Variants in SLC39A8 observed in about 807,000 individuals in gnomAD.
SLC39A8 encodes the protein solute carrier family 39 member 8.
Under a neutral mutation model 40.4 loss-of-function variants are expected in SLC39A8, and 15 were observed. That is an observed-to-expected ratio of 0.37 (90% confidence interval 0.25 to 0.57). SLC39A8 has a LOEUF of 0.57. SLC39A8 is among the 20% of genes least tolerant of loss of function. The pLI, the probability that SLC39A8 is intolerant of heterozygous loss-of-function variation, is 0.75. For missense variants in SLC39A8, 472 were observed against 558.8 expected (o/e 0.84, Z 1.57); for synonymous variants, 223 against 221.6 (o/e 1.01, Z -0.06).
chr4:102,308,830 T>C (rs565710695), intron 3 of SLC39A8, among the ~76,000 whole-genome samples: 1 of 152,242 alleles, frequency 6.6e-6, no homozygotes, highest in East Asian at 1.9e-4. Context: ...GATCAACATA[T>C]GTCAACTTAT....
At chr4:102,274,013 A>C (rs1469924183) in intron 6 of SLC39A8, among the ~76,000 whole-genome samples, 1 of 152,262 alleles carries the variant, frequency 6.6e-6, no homozygotes, top group African/African-American at 2.4e-5. Context: ...AAAAAGGCTA[A>C]AAATTCCAAA....
intron 2 of SLC39A8, among the ~76,000 whole-genome samples, chr4:102,333,749 G>C (rs1735562510): frequency 6.6e-6 from 1 of 152,162 alleles, no homozygotes; most frequent in Non-Finnish European, 1.5e-5. Flanking sequence ...CATGTAGAAA[G>C]CATCTACAGA....
Position 102,288,028 on chromosome 4 carries a change from G to A in SLC39A8, c.840+16289C>T, listed in dbSNP as rs1435598382. Among the ~76,000 whole-genome samples, 3 of 152,104 alleles carry A rather than the reference G, an allele frequency of 2.0e-5. No individual in the cohort carries two copies. In the East Asian group the frequency reaches 5.8e-4, roughly 29 times the overall value. Reference sequence around the variant, plus strand: ...TTATTTCTATTAGTTATTCAGGAGTGACAGGTACAGGCATACCTCTTTTTC... The same window carrying A: ...TTATTTCTATTAGTTATTCAGGAGTAACAGGTACAGGCATACCTCTTTTTC... On this transcript the variant is annotated intron_variant, in intron 6 of 8. Coordinates refer to ENST00000356736, the MANE Select transcript of SLC39A8 (RefSeq NM_001135146.2).
At chr4:102,294,517 T>C (rs898089301) in intron 6 of SLC39A8, among the ~76,000 whole-genome samples, 1 of 152,062 alleles carries the variant, frequency 6.6e-6, no homozygotes, top group African/African-American at 2.4e-5. Flanking sequence ...TTCCATTAAA[T>C]TGGTTTAGTA....
chr4:102,317,272 A>C (rs1045231659), intron 2 of SLC39A8, among the ~76,000 whole-genome samples: 1 of 152,168 alleles, frequency 6.6e-6, no homozygotes, highest in African/African-American at 2.4e-5. Context: ...ACATCAAATA[A>C]TCAAATACAC....
At chr4:102,276,377 G>C (rs1732616771) in intron 6 of SLC39A8, among the ~76,000 whole-genome samples, 1 of 152,088 alleles carries the variant, frequency 6.6e-6, no homozygotes, top group Admixed American at 6.5e-5. Flanking sequence ...AAATAAACTA[G>C]AAAATCTACA....
At position 102,305,088 on chromosome 4, in the gene SLC39A8, G is replaced by A. The variant is rs370212187; in HGVS notation, c.576C>T (p.Val192=). 2.3e-5 allele frequency: 37 copies of A among 1,608,082 alleles called. No homozygotes were observed. The highest frequency in any genetic ancestry group is 4.0e-5 in the African/African-American group (3 of 74,546). ...IPEAFGFDPK[V]DSYVEKAVAV... is the part of the protein sequence containing the mutation. ...CAACTGCCTTCTCAACATAACTGTCGACTTTGGGATCAAATCCAAATGCCT... is the reference window on the plus strand; with the variant it reads ...CAACTGCCTTCTCAACATAACTGTCAACTTTGGGATCAAATCCAAATGCCT... Residue 192 remains valine, a synonymous_variant, in exon 5 of 9, where the codon GTC becomes GTT. Coordinates refer to ENST00000356736, the MANE Select transcript of SLC39A8 (RefSeq NM_001135146.2).
chr4:102,251,524 C>T (rs1175460974), exon 12 of SLC39A8: 2 of 152,082 alleles, frequency 1.3e-5, no homozygotes, highest in African/African-American at 2.4e-5. Context: ...CCTACCTGGG[C>T]CCAAGAATTA....
chr4:102,303,172 G>A lies in SLC39A8; in HGVS notation c.840+1145C>T, dbSNP rs189462983. On this transcript the variant is annotated intron_variant, in intron 6 of 8. Transcript: ENST00000356736. ...TATATCATGTTTAACTATATAGCTTGTGGATCTGCCATTCACTAGCTGAGT... is the reference window on the plus strand; with the variant it reads ...TATATCATGTTTAACTATATAGCTTATGGATCTGCCATTCACTAGCTGAGT... Among the ~76,000 whole-genome samples, 5 of 151,768 alleles carry A rather than the reference G, an allele frequency of 3.3e-5. No individual in the cohort carries two copies. In the East Asian group the frequency reaches 9.7e-4, roughly 29 times the overall value.
chr4:102,326,097 T>C (rs1735186129), intron 2 of SLC39A8, among the ~76,000 whole-genome samples: 2 of 152,192 alleles, frequency 1.3e-5, no homozygotes, highest in African/African-American at 4.8e-5. Flanking sequence ...GAGGCCACCC[T>C]ACTTCCCATC....
rs951920834 is a variant in SLC39A8 at position 102,344,901 on chromosome 4, G to C, written c.-239C>G. Reference sequence around the variant, plus strand: ...GAGCGATAGGCGGAGTGGGCCCCCCGGCCTCCTGGAGAGCCTGAGATAAAG... The same window carrying C: ...GAGCGATAGGCGGAGTGGGCCCCCCCGCCTCCTGGAGAGCCTGAGATAAAG... On this transcript the variant is annotated 5_prime_UTR_variant, in exon 2 of 9. Transcript: ENST00000356736. 7.7e-7 allele frequency: 1 copy of C among 1,297,702 alleles called. No homozygotes were observed. The highest frequency in any genetic ancestry group is 9.7e-7 in the Non-Finnish European group (1 of 1,027,668). The allele number at this position is 1,297,702 out of a possible 1,614,324, so 80.4% of individuals were successfully genotyped here.
Position 102,261,872 on chromosome 4 carries a change from A to C in SLC39A8, c.*1172T>G, listed in dbSNP as rs372989502. 214 of 985,918 alleles carry C rather than the reference A, an allele frequency of 2.2e-4. 1 individual carries two copies. In the African/African-American group the frequency reaches 3.6e-3, roughly 16 times the overall value. 61.1% of individuals were successfully genotyped at this position (985,918 alleles called of 1,614,324 possible). ...ATTTTCCTCACCATCAAATCACCTT[A>C]AGTGACTTGGGAGTGTGAATCTAGG... is the stretch of plus-strand genomic sequence containing the variant. On this transcript the variant is annotated 3_prime_UTR_variant, in exon 9 of 9. Transcript: ENST00000356736.
In SLC39A8 at chr4:102,307,388, G is replaced by A. The variant is rs1462947; in HGVS notation, c.552+48C>T. The A allele has an allele frequency of 0.32, 508,270 of 1,593,760 alleles. 83,687 individuals are homozygous for A. Among genetic ancestry groups the A allele is most frequent in the Middle Eastern group, 0.46 (2,744 of 5,936 alleles). Reference sequence around the variant, plus strand: ...CTAAAAACATACAAAGTGCTAAAACGTTCAAAAGAAACAATTATTCACAGA... The same window carrying A: ...CTAAAAACATACAAAGTGCTAAAACATTCAAAAGAAACAATTATTCACAGA... On this transcript the variant is annotated intron_variant, in intron 4 of 8. Coordinates refer to ENST00000356736, the MANE Select transcript of SLC39A8 (RefSeq NM_001135146.2).
At chr4:102,291,509 A>G (rs146354979) in intron 6 of SLC39A8, among the ~76,000 whole-genome samples, 26 of 152,106 alleles carry the variant, frequency 1.7e-4, no homozygotes, top group African/African-American at 6.3e-4. Flanking sequence ...ATGGAAGATG[A>G]TCTATTATTC....
At chr4:102,263,601 TA>T (rs1731961640) in intron 8 of SLC39A8, among the ~76,000 whole-genome samples, 1 of 152,152 alleles carries the variant, frequency 6.6e-6, no homozygotes, top group African/African-American at 2.4e-5. Context: ...GGAAATTTCT[TA>T]AAATAAGACA....
intron 6 of SLC39A8, among the ~76,000 whole-genome samples, chr4:102,272,619 A>AT (rs1310286837): frequency 6.6e-6 from 1 of 152,048 alleles, no homozygotes; most frequent in African/African-American, 2.4e-5. Context: ...AATCTATCTT[A>AT]TTTTTATGCC....
chr4:102,326,821 G>C (rs900651864), intron 2 of SLC39A8, among the ~76,000 whole-genome samples: 3 of 152,082 alleles, frequency 2.0e-5, no homozygotes, highest in African/African-American at 4.8e-5. Flanking sequence ...TGAGGAGCTA[G>C]GAGCTTCTAA....
chr4:102,337,702 T>C (rs1735735911), intron 2 of SLC39A8, among the ~76,000 whole-genome samples: 1 of 152,180 alleles, frequency 6.6e-6, no homozygotes, highest in Admixed American at 6.5e-5. Flanking sequence ...ATTTCCATTC[T>C]AAACCGCCAG....
intron 2 of SLC39A8, among the ~76,000 whole-genome samples, chr4:102,340,103 C>A (rs1452430098): frequency 1.3e-5 from 2 of 152,144 alleles, no homozygotes; most frequent in Non-Finnish European, 2.9e-5. Context: ...ACTGTAAAGT[C>A]ATGTGAGGAC....
Sources: gnomAD v4.1 joint callset for allele counts (sites outside exome capture counted in the v4.1 genomes callset) on GRCh38, gnomAD v4.1.1 for gene constraint, MANE v1.5 for transcripts, NCBI Gene and HGNC (gene_info 2026-07-23, HGNC 2026-07-21) for gene names.